The following DGLUCY variants were observed in gnomAD, a reference collection of about 807,000 sequenced individuals.
The protein encoded by DGLUCY is D-glutamate cyclase, also known as D-glutamate cyclase, mitochondrial.
DGLUCY carries 58 observed loss-of-function variants against 58.5 expected under a neutral mutation model. That is an observed-to-expected ratio of 0.99 (90% CI 0.80 to 1.23). The LOEUF is 1.23. DGLUCY is among the 50% of genes most tolerant of loss of function. The pLI is 0.00. For synonymous variants in DGLUCY, 325 were observed against 314.1 expected, an observed-to-expected ratio of 1.03 and a Z score of -0.37; for missense variants, 779 against 784.7, an observed-to-expected ratio of 0.99 and a Z score of 0.09.
rs751012214 is a variant in DGLUCY at position 91,060,484 on chromosome 14, G to A, written c.-302G>A. The A allele has an allele frequency of 2.9e-5, 39 of 1,325,936 alleles. No homozygotes were observed. The East Asian group carries it at 8.2e-4, about 28-fold the overall frequency. 82.1% of individuals were successfully genotyped at this position (1,325,936 alleles called of 1,614,324 possible). ...GGGTCGCTACGAGGGGAACCCAGGA[G>A]ACAGCGGACGCCCGTCCCCTCGCAG... is the stretch of plus-strand genomic sequence containing the variant. On this transcript the variant is annotated 5_prime_UTR_variant, in exon 1 of 5. Transcript: ENST00000521334.
intron 6 of DGLUCY, among the ~76,000 whole-genome samples, chr14:91,174,344 C>T (rs960484948): frequency 2.4e-4 from 37 of 152,252 alleles, no homozygotes; most frequent in Non-Finnish European, 3.2e-4. Flanking sequence ...TTCCCTCTGT[C>T]GCCCAGGCTG....
chr14:91,071,226 A>T (rs2043910763), intron 1 of DGLUCY, among the ~76,000 whole-genome samples: 1 of 151,462 alleles, frequency 6.6e-6, no homozygotes, highest in African/African-American at 2.4e-5. Flanking sequence ...ATTCCCAGCT[A>T]CTCAAGAGGC....
intron 8 of DGLUCY, among the ~76,000 whole-genome samples, chr14:91,188,680 A>G (rs1269360149): frequency 1.3e-5 from 2 of 152,022 alleles, no homozygotes; most frequent in African/African-American, 2.4e-5. Context: ...GCCAAAAAAA[A>G]TTAGCGGGCT....
chr14:91,128,384 A>G lies in DGLUCY; in HGVS notation c.-82+14101A>G, dbSNP rs1456317754. ...GTGGCATGTGCCTGTAGTCTTAGCT[A>G]TTGGAGAGGCTGAAGTGGGAGGATC... On this transcript the variant is annotated intron_variant, in intron 1 of 13. Coordinates refer to ENST00000256324, the MANE Select transcript of DGLUCY (RefSeq NM_001102368.3). Among the ~76,000 whole-genome samples, 3 of 151,512 alleles carry G rather than the reference A, an allele frequency of 2.0e-5. No homozygotes were observed. The East Asian group carries it at 5.8e-4, about 29-fold the overall frequency.
intron 1 of DGLUCY, among the ~76,000 whole-genome samples, chr14:91,069,816 T>TG (rs2043886464): frequency 6.7e-6 from 1 of 148,874 alleles, no homozygotes; most frequent in Non-Finnish European, 1.5e-5. Context: ...TTTTTTTTTT[T>TG]GTCACCCAGG....
chr14:91,102,694 A>G (rs1462354546), intron 1 of DGLUCY, among the ~76,000 whole-genome samples: 1 of 149,638 alleles, frequency 6.7e-6, no homozygotes, highest in Non-Finnish European at 1.5e-5. Context: ...AGATTTGTGC[A>G]TCTGCTTCTG....
At position 91,070,325 on chromosome 14, in the gene DGLUCY, G is replaced by C. The variant is rs189671904; in HGVS notation, c.-82+9621G>C. 3.3e-5 allele frequency among the ~76,000 whole-genome samples: 5 copies of C among 152,292 alleles called. No individual in the cohort carries two copies. In the East Asian group the frequency reaches 9.6e-4, roughly 29 times the overall value. On this transcript the variant is annotated intron_variant, in intron 1 of 4. Coordinates refer to the DGLUCY transcript ENST00000521334. ...CTAGAGTGACAGGGCTTTGCTGGGGGCCTTGGCACCTCCTGAGAGCCAAAA... is the reference window on the plus strand; with the variant it reads ...CTAGAGTGACAGGGCTTTGCTGGGGCCCTTGGCACCTCCTGAGAGCCAAAA...
Position 91,215,389 on chromosome 14 carries a change from T to C in DGLUCY, c.1565-16T>C, listed in dbSNP as rs1886363625. The stretch of plus-strand genomic sequence containing the variant: ...CTTTTCCAACTCCATGATGGAATCT[T>C]GTTTTGCTGTTCTAGGTGTTTCTAA... On this transcript the variant is annotated splice_polypyrimidine_tract_variant and intron_variant, in intron 12 of 13. Coordinates refer to ENST00000256324, the MANE Select transcript of DGLUCY (RefSeq NM_001102368.3). The C allele has an allele frequency of 1.3e-6, 2 of 1,585,900 alleles. No homozygotes were observed. Among genetic ancestry groups the C allele is most frequent in the Non-Finnish European group, 1.7e-6 (2 of 1,162,190 alleles).
intron 13 of DGLUCY, chr14:91,220,406 C>A: frequency 2.3e-6 from 1 of 440,732 alleles, no homozygotes; most frequent in Non-Finnish European, 4.6e-6. Flanking sequence ...TCATCATCAT[C>A]CTTCTTATCA....
At chr14:91,189,202 C>G in intron 9 of DGLUCY, 32 bp downstream of exon 9, 1 of 1,610,774 alleles carries the variant, frequency 6.2e-7, no homozygotes, top group Non-Finnish European at 8.5e-7. Context: ...GTCCATTTCC[C>G]CAAACGGGCT....
intron 7 of DGLUCY, 23 bp downstream of exon 7, chr14:91,176,079 A>C: frequency 6.2e-7 from 1 of 1,613,076 alleles, no homozygotes; most frequent in Non-Finnish European, 8.5e-7. Context: ...ATAATGGGAC[A>C]ATCGATCTGC....
chr14:91,184,635 G>GTT (rs2049387262), intron 8 of DGLUCY, among the ~76,000 whole-genome samples: 1 of 111,244 alleles, frequency 9.0e-6, no homozygotes, highest in African/African-American at 4.6e-5. Context: ...AAGGAAGGAA[G>GTT]GGAGGGAGGG....
chr14:91,102,575 C>T (rs781022326), intron 1 of DGLUCY, among the ~76,000 whole-genome samples: 3 of 152,042 alleles, frequency 2.0e-5, no homozygotes, highest in East Asian at 1.9e-4. Flanking sequence ...GTGGTGTCCA[C>T]GGAGAGACTG....
chr14:91,170,529 G>A (rs1288706814), intron 5 of DGLUCY, among the ~76,000 whole-genome samples: 1 of 152,060 alleles, frequency 6.6e-6, no homozygotes, highest in African/African-American at 2.4e-5. Context: ...CCCTGGCTCC[G>A]GTGAGCCTCA....
At chr14:91,133,074 A>T (rs1023191726) in intron 1 of DGLUCY, among the ~76,000 whole-genome samples, 1 of 151,990 alleles carries the variant, frequency 6.6e-6, no homozygotes, top group African/African-American at 2.4e-5. Context: ...TGGGCGGATC[A>T]CTGGAGGTCA....
In DGLUCY at chr14:91,199,588, T is replaced by C. The variant is rs115052830; in HGVS notation, c.1296-169T>C. ...ATCTTAAACTGACTTAATAGACTAG[T>C]CTCCAGCACAGGTCCTGGCCCAGAG... On this transcript the variant is annotated intron_variant, in intron 10 of 13. Coordinates refer to ENST00000256324, the MANE Select transcript of DGLUCY (RefSeq NM_001102368.3). 4.6e-3 allele frequency among the ~76,000 whole-genome samples: 704 copies of C among 152,040 alleles called. 5 individuals are homozygous for C. The highest frequency in any genetic ancestry group is 0.016 in the African/African-American group (680 of 41,516).
intron 1 of DGLUCY, among the ~76,000 whole-genome samples, chr14:91,137,432 C>T (rs911411874): frequency 6.6e-6 from 1 of 151,538 alleles, no homozygotes; most frequent in African/African-American, 2.4e-5. Flanking sequence ...TGTTGCCAGG[C>T]TGGAATGCAG....
At chr14:91,106,335 C>T (rs1275938039), upstream of DGLUCY, among the ~76,000 whole-genome samples, 2 of 151,290 alleles carry the variant, frequency 1.3e-5, no homozygotes, top group South Asian at 2.1e-4. Context: ...ACTTATGGAC[C>T]ACTGTTGTAT....
intron 6 of DGLUCY, 81 bp downstream of exon 6, chr14:91,173,520 T>C: frequency 6.9e-7 from 1 of 1,446,698 alleles, no homozygotes; most frequent in Admixed American, 2.8e-5. Context: ...CTGCCCATGA[T>C]CCCCCTGTTC....
Sources: allele counts gnomAD v4.1 joint callset (sites outside exome capture counted in the v4.1 genomes callset), GRCh38; gene constraint gnomAD v4.1.1; transcripts MANE v1.5; gene names NCBI Gene and HGNC (gene_info 2026-07-23, HGNC 2026-07-21).